The following SLC44A3 variants were observed in gnomAD, a reference collection of about 807,000 sequenced individuals.
The protein encoded by SLC44A3 is solute carrier family 44 member 3, also known as choline transporter-like protein 3.
A neutral mutation model predicts 75.4 loss-of-function variants in SLC44A3; 74 were observed. That is an observed-to-expected ratio of 0.98 (90% CI 0.81 to 1.19). The LOEUF (loss-of-function observed/expected upper bound fraction) is 1.19, where lower values mean the gene tolerates loss of function less well. Among genes scored for constraint, SLC44A3 ranks in the 50% most tolerant of loss-of-function variants. The pLI is 0.00. For missense variants in SLC44A3, 700 were observed against 778.6 expected (o/e 0.90, Z 1.20); for synonymous variants, 310 against 296.9 (o/e 1.04, Z -0.45).
Position 94,872,289 on chromosome 1 carries a change from T to C in SLC44A3, c.1482+4872T>C, listed in dbSNP as rs572205340. Among the ~76,000 whole-genome samples, 298 of 152,118 alleles carry C rather than the reference T, an allele frequency of 2.0e-3. 1 individual carries two copies. The highest frequency in any genetic ancestry group is 7.0e-3 in the African/African-American group (291 of 41,530). ...GCTGATTTTGTATTTTTAGTAGGGATGGGGTTTCTCCATGTTGGCTGGTCT... is the reference window on the plus strand; with the variant it reads ...GCTGATTTTGTATTTTTAGTAGGGACGGGGTTTCTCCATGTTGGCTGGTCT... On this transcript the variant is annotated intron_variant, in intron 12 of 14. Transcript: ENST00000271227.
rs1670353601 is a variant in SLC44A3, at chr1:94,892,687, C to T, written c.1857+170C>T. On this transcript the variant is annotated intron_variant, in intron 14 of 14. Transcript: ENST00000271227. ...GGGATTTGCGCTGAACTCTCCAAGG[C>T]TGAACCCACCTCCCTTTCTGAGAAC... Among the ~76,000 whole-genome samples the T allele has an allele frequency of 2.6e-5, 4 of 152,262 alleles. No individual in the cohort carries two copies. The South Asian group carries it at 6.2e-4, about 24-fold the overall frequency.
At chr1:94,868,251 T>A (rs1667383195) in intron 12 of SLC44A3, among the ~76,000 whole-genome samples, 1 of 152,210 alleles carries the variant, frequency 6.6e-6, no homozygotes. Context: ...GTTTTATAAT[T>A]TAAATGTTCA....
chr1:94,842,117 G>T lies in SLC44A3; in HGVS notation c.878G>T (p.Gly293Val). The change falls in exon 8 of 15, where the codon GGC (glycine) becomes GTC (valine). Residue 293 changes from glycine to valine, a missense_variant. By Grantham distance (109) the Gly-to-Val change is moderately radical. Transcript: ENST00000271227. Reference protein sequence around the residue: ...CVLGFAIVSTGITAVLLVLIF... With the variant: ...CVLGFAIVSTVITAVLLVLIF... ...CTGGGGTTTGCTATCGTATCCACAG[G>T]CATCACGGTAAGAAATGCTCTTCTA... The T allele has an allele frequency of 6.2e-7, 1 of 1,605,076 alleles. No homozygotes were observed. Among genetic ancestry groups the T allele is most frequent in the East Asian group, 2.3e-5 (1 of 44,336 alleles).
At chr1:94,841,889 AGT>A in intron 7 of SLC44A3, 109 bp from the exon 8 acceptor site, 7 of 1,398,474 alleles carry the variant, frequency 5.0e-6, no homozygotes, top group Non-Finnish European at 6.7e-6. Context: ...CTGCCAGAGC[AGT>A]GCCACGCGGC....
At position 94,877,963 on chromosome 1, in the gene SLC44A3, G is replaced by A. The variant is rs567741073; in HGVS notation, c.1482+10546G>A. On this transcript the variant is annotated intron_variant, in intron 12 of 14. Transcript: ENST00000271227. ...CAACAGAGAAATTTGGGCTGGACGC[G>A]GTGGCTCACACCTGTAATCCCAGCA... Among the ~76,000 whole-genome samples the A allele has an allele frequency of 3.8e-4, 58 of 152,248 alleles. No individual in the cohort carries two copies. The South Asian group carries it at 0.011, about 29-fold the overall frequency.
At chr1:94,889,318 T>G (rs938798022) in intron 12 of SLC44A3, 1 of 152,212 alleles carries the variant, frequency 6.6e-6, no homozygotes, top group Non-Finnish European at 1.5e-5. Flanking sequence ...ACTTTCATCC[T>G]TTATCCAAAC....
chr1:94,862,403 C>G (rs1371934755), intron 10 of SLC44A3, among the ~76,000 whole-genome samples: 1 of 152,196 alleles, frequency 6.6e-6, no homozygotes, highest in African/African-American at 2.4e-5. Flanking sequence ...TGCGGCTTGC[C>G]TGGCTGTATG....
chr1:94,832,028 G>A (rs1298104203), intron 5 of SLC44A3, among the ~76,000 whole-genome samples: 1 of 152,016 alleles, frequency 6.6e-6, no homozygotes, highest in Non-Finnish European at 1.5e-5. Context: ...TTAGCTGGGT[G>A]TGATGGCAGG....
In SLC44A3 at chr1:94,894,814, TCA is replaced by T. The variant is rs1328340576; in HGVS notation, c.1858-3_1858-2del. The T allele has an allele frequency of 6.2e-7, 1 of 1,607,174 alleles. No homozygotes were observed. Among genetic ancestry groups the T allele is most frequent in the Non-Finnish European group, 8.5e-7 (1 of 1,176,458 alleles). ...CTATTCTAACTTGTTCTTTTGTTTT[TCA>T]GAGTTTCGTAAAAAGGAGCAACAAA... On this transcript the variant is annotated splice_acceptor_variant and splice_polypyrimidine_tract_variant and intron_variant, in intron 14 of 14. Transcript: ENST00000271227. LOFTEE classifies it high-confidence loss of function.
chr1:94,868,334 G>A (rs575737742), intron 12 of SLC44A3, among the ~76,000 whole-genome samples: 2 of 152,220 alleles, frequency 1.3e-5, no homozygotes, highest in East Asian at 1.9e-4. Flanking sequence ...GAAGTAAAGG[G>A]ACTAATTAGA....
At chr1:94,842,847 A>C (rs573192291) in intron 8 of SLC44A3, among the ~76,000 whole-genome samples, 1 of 152,352 alleles carries the variant, frequency 6.6e-6, no homozygotes, top group African/African-American at 2.4e-5. Context: ...CAGCAAATGC[A>C]GATTCTCACA....
At chr1:94,844,406 T>C (rs1392903050) in intron 8 of SLC44A3, among the ~76,000 whole-genome samples, 2 of 152,136 alleles carry the variant, frequency 1.3e-5, no homozygotes, top group Non-Finnish European at 2.9e-5. Context: ...TATTTGGAGG[T>C]TGTCAGCATC....
At chr1:94,885,716 G>A (rs1369154592) in intron 12 of SLC44A3, among the ~76,000 whole-genome samples, 3 of 152,202 alleles carry the variant, frequency 2.0e-5, no homozygotes, top group Non-Finnish European at 4.4e-5. Context: ...ACCTCTCTGT[G>A]CTTTAGTTTC....
chr1:94,863,437 A>T (rs1337433537), intron 10 of SLC44A3, among the ~76,000 whole-genome samples: 2 of 152,182 alleles, frequency 1.3e-5, no homozygotes, highest in African/African-American at 4.8e-5. Context: ...CCAGATGGAA[A>T]GCAGGTGTTG....
At chr1:94,862,796 G>A (rs1041978642) in intron 10 of SLC44A3, among the ~76,000 whole-genome samples, 1 of 152,192 alleles carries the variant, frequency 6.6e-6, no homozygotes, top group Non-Finnish European at 1.5e-5. Context: ...TACACTCATC[G>A]CTGGGTTGCC....
At chr1:94,857,571 A>C in intron 10 of SLC44A3, 71 bp downstream of exon 10, 1 of 1,412,524 alleles carries the variant, frequency 7.1e-7, no homozygotes, top group Non-Finnish European at 9.5e-7. Context: ...TAATATCTCA[A>C]AAGATATTTG....
At position 94,845,405 on chromosome 1, in the gene SLC44A3, C is replaced by T. The variant is rs760894641; in HGVS notation, c.1013C>T (p.Ala338Val). The change falls in exon 9 of 15, where the codon GCC (alanine) becomes GTC (valine). Residue 338 changes from alanine (A) to valine (V), a missense_variant. Transcript: ENST00000271227. ...FLLFQPLWTF[A>V]ILIFFWVLWV... ...CTGTTCCAGCCACTGTGGACATTTG[C>T]CATCCTCATTTTCTTCTGGGTCCTC... 1.9e-6 allele frequency: 3 copies of T among 1,613,910 alleles called. No individual in the cohort carries two copies. The highest frequency in any genetic ancestry group is 1.7e-5 in the Admixed American group (1 of 59,994).
chr1:94,891,132 T>C lies in SLC44A3; in HGVS notation c.1485T>C (p.Asn495=), dbSNP rs745626683. 2 of 1,596,018 alleles carry C rather than the reference T, an allele frequency of 1.3e-6. No homozygotes were observed. Residue 495 remains asparagine, a splice_region_variant and synonymous_variant, in exon 13 of 15, where the codon AAT becomes AAC. Transcript: ENST00000271227. ...TAAACAATTCTCTTCTGTTTCAGAA[T>C]GCATATACTACAACTGCTATTAATG... ...LDKYLLHLNQ[N]AYTTTAINGT...
At chr1:94,827,701 T>C (rs550502860) in intron 4 of SLC44A3, 58 bp downstream of exon 4, 4 of 1,578,502 alleles carry the variant, frequency 2.5e-6, no homozygotes, top group Non-Finnish European at 3.5e-6. Context: ...TGTGGGGACC[T>C]AGATGAGATC....
Sources: allele counts gnomAD v4.1 joint callset (sites outside exome capture counted in the v4.1 genomes callset), GRCh38; gene constraint gnomAD v4.1.1; transcripts MANE v1.5; gene names NCBI Gene and HGNC (gene_info 2026-07-23, HGNC 2026-07-21).